The following CDK5RAP2 variants were observed in gnomAD, a reference collection of about 807,000 sequenced individuals.
CDK5RAP2 encodes CDK5 regulatory subunit-associated protein 2.
A neutral mutation model predicts 232.9 loss-of-function variants in CDK5RAP2; 147 were observed. That is an observed-to-expected ratio of 0.63 (90% CI 0.55 to 0.72). The LOEUF is 0.72. Among genes scored for constraint, CDK5RAP2 ranks in the 30% least tolerant of loss-of-function variants. The pLI is 0.00. For synonymous variants in CDK5RAP2, 833 were observed against 833.7 expected, an observed-to-expected ratio of 1.00 and a Z score of 0.01; for missense variants, 2,195 against 2,231.5, an observed-to-expected ratio of 0.98 and a Z score of 0.33.
In CDK5RAP2 at chr9:120,486,986, A is replaced by C. The variant is rs553798703; in HGVS notation, c.1626+308T>G. Among the ~76,000 whole-genome samples, 3 of 152,310 alleles carry C rather than the reference A, an allele frequency of 2.0e-5. No individual in the cohort carries two copies. In the East Asian group the frequency reaches 5.8e-4, roughly 29 times the overall value. ...CTGTGCCATTTTCTGCGTGAATTTA[A>C]ATAGGAACACTTACGAAACACTTGG... On this transcript the variant is annotated intron_variant, in intron 14 of 37. Coordinates refer to ENST00000349780, the MANE Select transcript of CDK5RAP2 (RefSeq NM_018249.6).
chr9:120,535,301 G>A (rs1408268394), intron 7 of CDK5RAP2, among the ~76,000 whole-genome samples: 1 of 152,142 alleles, frequency 6.6e-6, no homozygotes, highest in Admixed American at 6.5e-5. Flanking sequence ...CTATCCCAAA[G>A]ATTAGGATTT....
intron 7 of CDK5RAP2, among the ~76,000 whole-genome samples, chr9:120,534,636 G>A (rs1344839567): frequency 6.6e-6 from 1 of 152,170 alleles, no homozygotes; most frequent in Non-Finnish European, 1.5e-5. Context: ...TTAACTGACT[G>A]CTCAGCATCT....
At chr9:120,488,760 T>C (rs2038742184) in intron 13 of CDK5RAP2, among the ~76,000 whole-genome samples, 2 of 152,258 alleles carry the variant, frequency 1.3e-5, no homozygotes, top group African/African-American at 4.8e-5. Flanking sequence ...TGCTCATAAC[T>C]TAGCCATATG....
At chr9:120,513,080 C>G (rs1252484185) in intron 12 of CDK5RAP2, among the ~76,000 whole-genome samples, 2 of 152,176 alleles carry the variant, frequency 1.3e-5, no homozygotes, top group African/African-American at 4.8e-5. Flanking sequence ...CAAAGCTGAA[C>G]ATCCTAGAGT....
At chr9:120,564,774 C>T (rs2132152094) in intron 3 of CDK5RAP2, among the ~76,000 whole-genome samples, 1 of 152,164 alleles carries the variant, frequency 6.6e-6, no homozygotes, top group East Asian at 1.9e-4. Flanking sequence ...AAGATAGCTA[C>T]TTGGACAGCA....
intron 21 of CDK5RAP2, among the ~76,000 whole-genome samples, chr9:120,448,477 T>A (rs1246928395): frequency 6.6e-6 from 1 of 152,184 alleles, no homozygotes; most frequent in Non-Finnish European, 1.5e-5. Context: ...CATTCCTCAG[T>A]CTAATCTGGT....
chr9:120,556,884 T>G (rs2042247923), intron 3 of CDK5RAP2, among the ~76,000 whole-genome samples: 1 of 152,212 alleles, frequency 6.6e-6, no homozygotes, highest in East Asian at 1.9e-4. Flanking sequence ...GGTAGGTTCA[T>G]TAGCACCTCC....
chr9:120,418,013 G>A (rs1356812272), intron 27 of CDK5RAP2, among the ~76,000 whole-genome samples: 1 of 152,216 alleles, frequency 6.6e-6, no homozygotes, highest in East Asian at 1.9e-4. Context: ...CACTAAAAAT[G>A]ATGTTATGTA....
At chr9:120,458,672 G>T (rs1389103173) in intron 19 of CDK5RAP2, 50 bp from the exon 20 acceptor site, 1 of 1,554,252 alleles carries the variant, frequency 6.4e-7, no homozygotes, top group Middle Eastern at 1.7e-4. Flanking sequence ...GGAAGGGAAT[G>T]GGGTGTGTGG....
chr9:120,524,215 G>A (rs1290593207), intron 11 of CDK5RAP2, among the ~76,000 whole-genome samples: 2 of 152,226 alleles, frequency 1.3e-5, no homozygotes, highest in Non-Finnish European at 2.9e-5. Context: ...GCACTTAGCA[G>A]GCCTTGGCAC....
rs2036024371 is a variant in CDK5RAP2 at position 120,443,665 on chromosome 9, T to C, written c.3103A>G (p.Arg1035Gly). 8 of 1,614,182 alleles carry C rather than the reference T, an allele frequency of 5.0e-6. No individual in the cohort carries two copies. The highest frequency in any genetic ancestry group is 6.8e-6 in the Non-Finnish European group (8 of 1,180,014). Reference sequence around the variant, plus strand: ...TGATCACTGTCCATTTCCTTGTCTCTCCAGACAGAAGATGTGGTTTTAATT... The same window carrying C: ...TGATCACTGTCCATTTCCTTGTCTCCCCAGACAGAAGATGTGGTTTTAATT... ...KGIKTTSSVW[R>G]DKEMDSDQQR... Residue 1035 changes from arginine to glycine, a missense_variant, in exon 23 of 38, where the codon AGA (arginine) becomes GGA (glycine). Arg to Gly is a moderately radical substitution (Grantham distance 125). Coordinates refer to ENST00000349780, the MANE Select transcript of CDK5RAP2 (RefSeq NM_018249.6).
intron 5 of CDK5RAP2, among the ~76,000 whole-genome samples, chr9:120,541,479 T>C (rs1358623654): frequency 1.3e-5 from 2 of 152,254 alleles, no homozygotes; most frequent in Non-Finnish European, 1.5e-5. Flanking sequence ...CTCAGTAGTA[T>C]GGTACAATTT....
At chr9:120,477,482 G>A in intron 14 of CDK5RAP2, 32 bp from the exon 15 acceptor site, 1 of 1,501,832 alleles carries the variant, frequency 6.7e-7, no homozygotes, top group Non-Finnish European at 9.3e-7. Context: ...TGACATTAAG[G>A]AAAGAATTTT....
intron 4 of CDK5RAP2, among the ~76,000 whole-genome samples, chr9:120,547,568 C>T (rs1383149330): frequency 6.6e-6 from 1 of 151,926 alleles, no homozygotes; most frequent in African/African-American, 2.4e-5. Flanking sequence ...TGCACCACTG[C>T]ACTCCAGCCT....
intron 19 of CDK5RAP2, 75 bp from the exon 20 acceptor site, chr9:120,458,697 T>C: frequency 7.2e-7 from 1 of 1,382,498 alleles, no homozygotes; most frequent in East Asian, 2.3e-5. Context: ...AGGATGGAGA[T>C]GCAGGGTAAG....
At chr9:120,573,186 T>C (rs185155206) in intron 1 of CDK5RAP2, among the ~76,000 whole-genome samples, 3 of 152,312 alleles carry the variant, frequency 2.0e-5, no homozygotes, top group Admixed American at 6.5e-5. Flanking sequence ...GGAATGTACC[T>C]TCAAGATCAA....
intron 36 of CDK5RAP2, 60 bp from the exon 37 acceptor site, chr9:120,389,847 A>C (rs1203727820): frequency 6.6e-7 from 1 of 1,519,038 alleles, no homozygotes; most frequent in African/African-American, 1.4e-5. Context: ...GAGCTGTGTG[A>C]AAGCCAAGTG....
rs759026362 is a variant in CDK5RAP2 at position 120,550,842 on chromosome 9, C to T, written c.256G>A (p.Glu86Lys). The T allele has an allele frequency of 1.9e-6, 3 of 1,613,592 alleles. No individual in the cohort carries two copies. The highest frequency in any genetic ancestry group is 2.5e-6 in the Non-Finnish European group (3 of 1,179,558). ...NLKLRIYFLEERMQQEFHGPT... is the reference protein window; with the variant it reads ...NLKLRIYFLEKRMQQEFHGPT... ...CCATGAAATTCCTGTTGCATTCTTT[C>T]CTCAAGGAAATAGATGCGGAGCTTT... Residue 86 changes from glutamate (E) to lysine (K), a missense_variant, in exon 4 of 38, where the codon GAA (glutamate) becomes AAA (lysine). Glu to Lys is a moderately conservative substitution (Grantham distance 56). Coordinates refer to ENST00000349780, the MANE Select transcript of CDK5RAP2 (RefSeq NM_018249.6).
intron 3 of CDK5RAP2, among the ~76,000 whole-genome samples, chr9:120,564,391 G>A (rs2042569289): frequency 6.6e-6 from 1 of 151,254 alleles, no homozygotes; most frequent in South Asian, 2.1e-4. Context: ...TAGGGAGGCT[G>A]AAGCAGGAGA....
Sources: gnomAD v4.1 joint callset for allele counts (sites outside exome capture counted in the v4.1 genomes callset) on GRCh38, gnomAD v4.1.1 for gene constraint, MANE v1.5 for transcripts, NCBI Gene and HGNC (gene_info 2026-07-23, HGNC 2026-07-21) for gene names.